MYO16: variants seen among roughly 807,000 people sequenced by gnomAD.
MYO16 encodes myosin XVI, also known as unconventional myosin-XVI.
A neutral mutation model predicts 205.3 loss-of-function variants in MYO16; 94 were observed. That is an observed-to-expected ratio of 0.46 (90% CI 0.39 to 0.54). MYO16 has a LOEUF of 0.54. Among genes scored for constraint, MYO16 ranks in the 20% least tolerant of loss-of-function variants. MYO16 has a pLI of 0.00. For synonymous variants in MYO16, 988 were observed against 954.0 expected, an observed-to-expected ratio of 1.04 and a Z score of -0.66; for missense variants, 2,315 against 2,387.5, an observed-to-expected ratio of 0.97 and a Z score of 0.63.
chr13:108,517,090 C>T, the MYO16 span, among the ~76,000 whole-genome samples: 1 of 152,084 alleles, frequency 6.6e-6, no homozygotes, highest in Non-Finnish European at 1.5e-5. Context: ...CCACTATGTC[C>T]AGTTATTTAA....
At chr13:108,592,800 T>A (rs543306622), upstream of MYO16, among the ~76,000 whole-genome samples, 23 of 151,608 alleles carry the variant, frequency 1.5e-4, no homozygotes, top group Middle Eastern at 6.8e-3. Context: ...GAAGCTTTGA[T>A]ACGAGCACAG....
chr13:108,741,068 C>A (rs1394073435), intron 4 of MYO16, among the ~76,000 whole-genome samples: 1 of 152,100 alleles, frequency 6.6e-6, no homozygotes, highest in Non-Finnish European at 1.5e-5. Flanking sequence ...AATTCCCTGA[C>A]CCCTTGTGCT....
chr13:108,854,744 C>T (rs1878077492), intron 10 of MYO16, among the ~76,000 whole-genome samples: 1 of 152,032 alleles, frequency 6.6e-6, no homozygotes, highest in Admixed American at 6.5e-5. Flanking sequence ...TAAAATTGCC[C>T]ATTTCTAATT....
chr13:108,784,146 G>A (rs1279200733), intron 4 of MYO16, among the ~76,000 whole-genome samples: 1 of 152,058 alleles, frequency 6.6e-6, no homozygotes, highest in Non-Finnish European at 1.5e-5. Flanking sequence ...TTCGTTACAG[G>A]AACACAAAAT....
In MYO16 at chr13:108,666,020, G is replaced by A. The variant is rs928872816; in HGVS notation, c.163G>A (p.Glu55Lys). The A allele has an allele frequency of 5.0e-6, 8 of 1,614,002 alleles. No homozygotes were observed. The highest frequency in any genetic ancestry group is 5.9e-6 in the Non-Finnish European group (7 of 1,180,006). ...CTGTGAGCAAATCAAAGCCTACTAT[G>A]AGCGCGAGAAGGCTTTTCAGAAGCA... ...MRCEQIKAYY[E>K]REKAFQKQEG... The change falls in exon 2 of 35, where the codon GAG becomes AAG. Residue 55 changes from glutamate to lysine, a missense_variant. Around this residue, in one of 3 missense-constraint regions of MYO16, gnomAD observed 1,213 missense variants for 1,274.4 expected, o/e 0.95. Transcript: ENST00000457511.
the MYO16 span, among the ~76,000 whole-genome samples, chr13:108,553,755 C>T: frequency 6.6e-6 from 1 of 151,890 alleles, no homozygotes; most frequent in African/African-American, 2.4e-5. Context: ...GTGTCTTCCC[C>T]CGATATTTTA....
the MYO16 span, among the ~76,000 whole-genome samples, chr13:108,585,268 A>C: frequency 6.6e-6 from 1 of 152,208 alleles, no homozygotes; most frequent in African/African-American, 2.4e-5. Flanking sequence ...ACATCAATCA[A>C]ATACATTTAA....
At chr13:109,201,505 A>AG (rs1555340683) in intron 34 of MYO16, 6 of 151,818 alleles carry the variant, frequency 4.0e-5, no homozygotes, top group Non-Finnish European at 8.8e-5. Flanking sequence ...AAAAAAAAAA[A>AG]AAAAAAATCT....
rs191184093 is a variant in MYO16 at position 108,749,404 on chromosome 13, C to T, written c.507+21821C>T. 2.6e-5 allele frequency among the ~76,000 whole-genome samples: 4 copies of T among 152,280 alleles called. No homozygotes were observed. The East Asian group carries it at 7.7e-4, about 29-fold the overall frequency. ...ACTTATAGCTGAAATATACAAAGAA[C>T]TCGTAAACCTCAACAATAAGAAAAC... On this transcript the variant is annotated intron_variant, in intron 4 of 34. Coordinates refer to ENST00000457511, the MANE Select transcript of MYO16 (RefSeq NM_001198950.3).
chr13:108,972,199 G>T, intron 20 of MYO16, among the ~76,000 whole-genome samples: 1 of 50,070 alleles, frequency 2.0e-5, no homozygotes, highest in Non-Finnish European at 3.7e-5. Context: ...GACAGACTGA[G>T]ACCCTGTCTC....
chr13:108,996,317 A>T (rs1049275095), intron 21 of MYO16, among the ~76,000 whole-genome samples: 8 of 152,176 alleles, frequency 5.3e-5, no homozygotes, highest in Non-Finnish European at 1.0e-4. Context: ...TGCAGAGAAA[A>T]ATTGTGAAAG....
intron 34 of MYO16, among the ~76,000 whole-genome samples, chr13:109,187,233 C>T (rs1431790132): frequency 1.3e-5 from 2 of 152,136 alleles, no homozygotes; most frequent in African/African-American, 4.8e-5. Context: ...GGATAATATT[C>T]CTTGCCAGTT....
At chr13:109,197,329 G>C (rs1252665503) in intron 34 of MYO16, among the ~76,000 whole-genome samples, 2 of 152,196 alleles carry the variant, frequency 1.3e-5, no homozygotes, top group African/African-American at 4.8e-5. Flanking sequence ...GGGAAGCCTG[G>C]CGTTGCTTGA....
intron 7 of MYO16, among the ~76,000 whole-genome samples, chr13:108,819,404 G>A (rs196169): frequency 0.91 from 137,988 of 152,162 alleles, 64,120 homozygotes; most frequent in East Asian, 1. Context: ...TCACAAACAG[G>A]TTAAGCAATA....
At chr13:108,592,339 G>C (rs1878423112), upstream of MYO16, among the ~76,000 whole-genome samples, 2 of 138,910 alleles carry the variant, frequency 1.4e-5, no homozygotes, top group African/African-American at 2.7e-5. Context: ...TGGGGACTGT[G>C]TGTGGGATGT....
chr13:108,902,147 A>C (rs990218534), intron 15 of MYO16, among the ~76,000 whole-genome samples: 1 of 152,224 alleles, frequency 6.6e-6, no homozygotes, highest in African/African-American at 2.4e-5. Flanking sequence ...TATAAAGAGC[A>C]GGTCGATGTT....
At chr13:108,708,425 G>A (rs1883597431) in intron 2 of MYO16, among the ~76,000 whole-genome samples, 1 of 152,118 alleles carries the variant, frequency 6.6e-6, no homozygotes, top group South Asian at 2.1e-4. Flanking sequence ...TTGATACTTT[G>A]TTGTTATTCA....
intron 34 of MYO16, among the ~76,000 whole-genome samples, chr13:109,194,816 A>G (rs1318246133): frequency 6.6e-6 from 1 of 152,154 alleles, no homozygotes; most frequent in Non-Finnish European, 1.5e-5. Context: ...CAAATTATAT[A>G]GACAGATTTT....
At chr13:108,673,307 T>C (rs146020356) in intron 2 of MYO16, among the ~76,000 whole-genome samples, 1 of 152,130 alleles carries the variant, frequency 6.6e-6, no homozygotes, top group Admixed American at 6.5e-5. Context: ...AGAAGTATTC[T>C]TTATGCTTTG....
Sources: allele counts gnomAD v4.1 joint callset (sites outside exome capture counted in the v4.1 genomes callset), GRCh38; gene constraint gnomAD v4.1.1; regional missense constraint gnomAD v4.1.1; transcripts MANE v1.5; gene names NCBI Gene and HGNC (gene_info 2026-07-23, HGNC 2026-07-21).